CDH13: variants seen among roughly 807,000 people sequenced by gnomAD.
CDH13 encodes cadherin 13.
A neutral mutation model predicts 63.8 loss-of-function variants in CDH13; 24 were observed. The observed-to-expected ratio is 0.38, with a 90% CI of 0.27 to 0.53. The LOEUF (loss-of-function observed/expected upper bound fraction) is 0.53. CDH13 is among the 20% of genes least tolerant of loss of function. CDH13 has a pLI of 0.85. For synonymous variants in CDH13, 503 were observed against 355.3 expected, an observed-to-expected ratio of 1.42 and a Z score of -4.67; for missense variants, 1,049 against 903.1, an observed-to-expected ratio of 1.16 and a Z score of -2.07.
chr16:83,026,801 A>G (rs1470826754), intron 2 of CDH13, among the ~76,000 whole-genome samples: 1 of 152,170 alleles, frequency 6.6e-6, no homozygotes, highest in Non-Finnish European at 1.5e-5. Flanking sequence ...ACTTCATTCA[A>G]AATGCACACA....
rs139461063 is a variant in CDH13 at position 83,048,107 on chromosome 16, G to C, written c.366+15889G>C. Among the ~76,000 whole-genome samples the C allele has an allele frequency of 2.6e-5, 4 of 152,136 alleles. No homozygotes were observed. In the South Asian group the frequency reaches 8.3e-4, roughly 32 times the overall value. ...AAAGGGTTAAAATATAATCTGTGTC[G>C]TCCTGGAGAATGATTTCCGCATGCA... is the stretch of plus-strand genomic sequence containing the variant. On this transcript the variant is annotated intron_variant, in intron 3 of 13. Transcript: ENST00000567109.
chr16:83,180,150 T>G (rs2038291269), intron 4 of CDH13, among the ~76,000 whole-genome samples: 1 of 148,076 alleles, frequency 6.8e-6, no homozygotes, highest in Non-Finnish European at 1.5e-5. Context: ...TTTTTTTTGT[T>G]GTTGTTGGTT....
chr16:83,315,029 T>C (rs777078524), intron 5 of CDH13, among the ~76,000 whole-genome samples: 2 of 152,192 alleles, frequency 1.3e-5, no homozygotes, highest in African/African-American at 2.4e-5. Context: ...GACAAGGCAC[T>C]TATATTCAAC....
chr16:83,266,266 G>A (rs192597204), intron 5 of CDH13, among the ~76,000 whole-genome samples: 28 of 152,232 alleles, frequency 1.8e-4, no homozygotes, highest in African/African-American at 6.5e-4. Context: ...CATTTGTGCA[G>A]GAAATCAATA....
intron 1 of CDH13, among the ~76,000 whole-genome samples, chr16:82,766,961 C>T (rs574668282): frequency 5.9e-5 from 9 of 152,252 alleles, no homozygotes; most frequent in Admixed American, 1.3e-4. Flanking sequence ...TAGATTCTAC[C>T]GTTACCATTT....
intron 5 of CDH13, among the ~76,000 whole-genome samples, chr16:83,337,670 G>T (rs2090629155): frequency 9.0e-6 from 1 of 110,640 alleles, no homozygotes. Flanking sequence ...AAAGTGTGTA[G>T]TGTCATGGAA....
chr16:83,182,063 G>C (rs2038365720), intron 4 of CDH13, among the ~76,000 whole-genome samples: 2 of 152,154 alleles, frequency 1.3e-5, no homozygotes, highest in Admixed American at 1.3e-4. Context: ...AGTGTGCATT[G>C]TCTGGTACTC....
At chr16:83,692,186 ATTGT>A (rs1240384238) in intron 10 of CDH13, among the ~76,000 whole-genome samples, 1 of 152,168 alleles carries the variant, frequency 6.6e-6, no homozygotes, top group African/African-American at 2.4e-5. Flanking sequence ...TCAGAATAAA[ATTGT>A]TTGTTCCATT....
At chr16:82,764,348 G>A (rs567666655) in intron 1 of CDH13, among the ~76,000 whole-genome samples, 8 of 152,230 alleles carry the variant, frequency 5.3e-5, no homozygotes, top group Non-Finnish European at 1.0e-4. Context: ...ATTCTCATTT[G>A]TCTATTTAAG....
chr16:82,818,651 C>G (rs1005804204), intron 1 of CDH13, among the ~76,000 whole-genome samples: 1 of 152,122 alleles, frequency 6.6e-6, no homozygotes, highest in South Asian at 2.1e-4. Flanking sequence ...AAAAGGCCCA[C>G]TGTACCTTTG....
intron 7 of CDH13, among the ~76,000 whole-genome samples, chr16:83,498,896 C>T (rs2074208340): frequency 6.6e-6 from 1 of 152,162 alleles, no homozygotes; most frequent in Non-Finnish European, 1.5e-5. Context: ...CCAGTGGCTT[C>T]TATAGCTCGG....
chr16:83,406,417 T>TCGC (rs2092045996), intron 6 of CDH13, among the ~76,000 whole-genome samples: 1 of 144,280 alleles, frequency 6.9e-6, no homozygotes, highest in African/African-American at 2.6e-5. Flanking sequence ...TCTCTTTCTT[T>TCGC]CCCCCCCCGC....
intron 4 of CDH13, among the ~76,000 whole-genome samples, chr16:83,168,582 G>T (rs2037787321): frequency 6.6e-6 from 1 of 151,504 alleles, no homozygotes; most frequent in Non-Finnish European, 1.5e-5. Context: ...TAAAAGTAAT[G>T]TTCAGTATTG....
intron 7 of CDH13, among the ~76,000 whole-genome samples, chr16:83,567,903 A>G (rs529496756): frequency 5.3e-5 from 8 of 152,248 alleles, no homozygotes; most frequent in African/African-American, 1.4e-4. Flanking sequence ...CCTAGACACA[A>G]GTTTTAACCC....
At chr16:82,789,947 A>C (rs6565065) in intron 1 of CDH13, among the ~76,000 whole-genome samples, 94 of 152,012 alleles carry the variant, frequency 6.2e-4, no homozygotes, top group African/African-American at 2.1e-3. Context: ...CAATCCTGAC[A>C]TCTTTCTCAG....
intron 3 of CDH13, among the ~76,000 whole-genome samples, chr16:83,033,018 T>A (rs1418743877): frequency 1.2e-4 from 18 of 152,216 alleles, no homozygotes; most frequent in Admixed American, 1.2e-3. Context: ...CATGTATGTA[T>A]ATGGTGCTGT....
At chr16:83,247,730 C>T (rs575507942) in intron 5 of CDH13, among the ~76,000 whole-genome samples, 44 of 152,140 alleles carry the variant, frequency 2.9e-4, no homozygotes, top group African/African-American at 1.0e-3. Flanking sequence ...TCTTGGAGTC[C>T]ACCCCACCTA....
intron 6 of CDH13, among the ~76,000 whole-genome samples, chr16:83,422,170 T>C (rs1389417768): frequency 2.0e-5 from 3 of 152,210 alleles, no homozygotes; most frequent in Non-Finnish European, 4.4e-5. Flanking sequence ...TTTAATTAGA[T>C]ATTCTAGAAC....
At chr16:82,953,416 A>G (rs938846780) in intron 2 of CDH13, 2 of 152,182 alleles carry the variant, frequency 1.3e-5, no homozygotes, top group African/African-American at 4.8e-5. Flanking sequence ...GATGGTGGCA[A>G]TGAAGGTCTG....
Sources: allele counts gnomAD v4.1 joint callset (sites outside exome capture counted in the v4.1 genomes callset), GRCh38; gene constraint gnomAD v4.1.1; transcripts MANE v1.5; gene names NCBI Gene and HGNC (gene_info 2026-07-23, HGNC 2026-07-21).